The following IQCB1 variants were observed in gnomAD, a reference collection of about 807,000 sequenced individuals.
IQCB1 encodes the protein IQ calmodulin-binding motif-containing protein 1.
Under a neutral mutation model 84.4 loss-of-function variants are expected in IQCB1, and 56 were observed. The observed-to-expected ratio is 0.66, with a 90% CI of 0.54 to 0.83. The LOEUF (loss-of-function observed/expected upper bound fraction) is 0.83, where lower values mean the gene tolerates loss of function less well. IQCB1 is among the 40% of genes least tolerant of loss of function. The pLI is 0.00. For missense variants in IQCB1, 629 were observed against 682.1 expected (o/e 0.92, Z 0.87); for synonymous variants, 210 against 234.8 (o/e 0.89, Z 0.96).
At chr3:121,808,342 C>T (rs1418571612) in intron 6 of IQCB1, among the ~76,000 whole-genome samples, 1 of 151,820 alleles carries the variant, frequency 6.6e-6, no homozygotes, top group Non-Finnish European at 1.5e-5. Flanking sequence ...AGTGTTACAT[C>T]TATATTAGAT....
At chr3:121,820,575 T>C (rs1440995755) in intron 5 of IQCB1, among the ~76,000 whole-genome samples, 1 of 152,160 alleles carries the variant, frequency 6.6e-6, no homozygotes, top group Non-Finnish European at 1.5e-5. Context: ...TTCAATTCCA[T>C]CCTAGACATT....
intron 8 of IQCB1, among the ~76,000 whole-genome samples, chr3:121,798,502 T>A (rs1949285274): frequency 6.6e-6 from 1 of 151,890 alleles, no homozygotes; most frequent in Admixed American, 6.6e-5. Flanking sequence ...ATATATATAC[T>A]ACCTTTGTGA....
At chr3:121,819,754 C>T (rs920383229) in intron 5 of IQCB1, among the ~76,000 whole-genome samples, 3 of 151,918 alleles carry the variant, frequency 2.0e-5, no homozygotes, top group African/African-American at 4.8e-5. Context: ...TATAGTGTTG[C>T]CATCCAATAG....
rs1467393686 is a variant in IQCB1, at chr3:121,797,141, C to A, written c.853G>T (p.Val285Phe). Residue 285 changes from valine to phenylalanine, a missense_variant, in exon 9 of 15, where the codon GTC becomes TTC. Transcript: ENST00000310864. ...RQLVGLLSPM[V>F]YQEVEEQKLH... ...ACCTGCTCTTCTACTTCCTGATAGA[C>A]CATTGGGCTTAAAAGGCCAACAAGC... 1.4e-5 allele frequency: 22 copies of A among 1,597,256 alleles called. No individual in the cohort carries two copies. In the East Asian group the frequency reaches 4.5e-4, roughly 32 times the overall value.
intron 2 of IQCB1, among the ~76,000 whole-genome samples, chr3:121,831,119 T>A (rs7612301): frequency 6.6e-6 from 1 of 151,430 alleles, no homozygotes; most frequent in East Asian, 1.9e-4. Context: ...AGGGAGGACA[T>A]GGAAGCTCTG....
intron 9 of IQCB1, among the ~76,000 whole-genome samples, chr3:121,796,172 C>T (rs950716002): frequency 3.3e-5 from 5 of 152,064 alleles, no homozygotes; most frequent in African/African-American, 1.2e-4. Flanking sequence ...TGAGCATATG[C>T]ATAGTTTTGA....
Position 121,788,270 on chromosome 3 carries a change from T to G in IQCB1, c.1278+14A>C. ...CCTCTTGATTCAGAGCTCTTTTCAC[T>G]ACATTAGACTCACTGCTCTTTGAAG... On this transcript the variant is annotated intron_variant, in intron 12 of 14. Coordinates refer to ENST00000310864, the MANE Select transcript of IQCB1 (RefSeq NM_001023570.4). 6.2e-7 allele frequency: 1 copy of G among 1,613,162 alleles called. No individual in the cohort carries two copies. Among genetic ancestry groups the G allele is most frequent in the East Asian group, 2.2e-5 (1 of 44,844 alleles).
intron 14 of IQCB1, among the ~76,000 whole-genome samples, chr3:121,770,964 A>T (rs962073345): frequency 1.3e-4 from 19 of 151,764 alleles, no homozygotes; most frequent in Non-Finnish European, 1.5e-5. Flanking sequence ...GTGTCAACAT[A>T]TTCAGCCCAT....
intron 13 of IQCB1, among the ~76,000 whole-genome samples, chr3:121,773,135 C>T (rs1948075029): frequency 1.3e-5 from 2 of 151,932 alleles, no homozygotes; most frequent in South Asian, 4.2e-4. Context: ...CCAGCCTGGC[C>T]AACACGGTGA....
chr3:121,808,817 T>G (rs925688179), intron 6 of IQCB1, 99 bp downstream of exon 6: 7 of 741,204 alleles, frequency 9.4e-6, no homozygotes, highest in Non-Finnish European at 1.7e-5. Flanking sequence ...TGTGGTTATC[T>G]GCACAGTTCA....
chr3:121,807,405 C>A lies in IQCB1; in HGVS notation c.526G>T (p.Asp176Tyr). 2 of 1,574,930 alleles carry A rather than the reference C, an allele frequency of 1.3e-6. No individual in the cohort carries two copies. Among genetic ancestry groups the A allele is most frequent in the South Asian group, 2.2e-5 (2 of 90,112 alleles). The change falls in exon 7 of 15, where the codon GAC becomes TAC. Residue 176 changes from aspartate to tyrosine, a missense_variant. Transcript: ENST00000310864. ...SDHFLHLLQA[D>Y]NVQIGSAVMM... Reference sequence around the variant, plus strand: ...ACTGCAGATCCTATTTGGACATTGTCAGCTTGCAGTAAATGTAAGAAATGA... The same window carrying A: ...ACTGCAGATCCTATTTGGACATTGTAAGCTTGCAGTAAATGTAAGAAATGA...
chr3:121,783,042 A>G (rs1469816759), intron 12 of IQCB1, among the ~76,000 whole-genome samples: 4 of 152,214 alleles, frequency 2.6e-5, no homozygotes, highest in African/African-American at 7.2e-5. Flanking sequence ...AACTGAATAC[A>G]TGTGACACAC....
At chr3:121,813,401 G>T (rs1400665328) in intron 5 of IQCB1, among the ~76,000 whole-genome samples, 1 of 152,130 alleles carries the variant, frequency 6.6e-6, no homozygotes, top group Non-Finnish European at 1.5e-5. Context: ...CATAATGACA[G>T]GATCAAATTC....
At chr3:121,822,819 G>A (rs1223822784) in intron 5 of IQCB1, among the ~76,000 whole-genome samples, 1 of 152,156 alleles carries the variant, frequency 6.6e-6, no homozygotes. Context: ...TGATCTGCCA[G>A]AATTTAACTG....
At chr3:121,772,197 A>G (rs1948026542) in intron 14 of IQCB1, among the ~76,000 whole-genome samples, 1 of 152,182 alleles carries the variant, frequency 6.6e-6, no homozygotes, top group South Asian at 2.1e-4. Context: ...AAAAAAATTT[A>G]TAAAATGCTC....
At chr3:121,806,871 T>C (rs4296628) in intron 7 of IQCB1, among the ~76,000 whole-genome samples, 82,068 of 151,812 alleles carry the variant, frequency 0.54, 22,659 homozygotes, top group African/African-American at 0.61. Flanking sequence ...CAATTGTGTA[T>C]ACTCTGCCCT....
chr3:121,799,414 T>TA (rs1949324071), intron 7 of IQCB1, 40 bp from the exon 8 acceptor site: 2 of 1,199,752 alleles, frequency 1.7e-6, no homozygotes, highest in African/African-American at 1.5e-5. Flanking sequence ...CATTACTAAT[T>TA]GATGTACAGG....
At chr3:121,819,504 T>C (rs1045618063) in intron 5 of IQCB1, among the ~76,000 whole-genome samples, 1 of 152,160 alleles carries the variant, frequency 6.6e-6, no homozygotes. Flanking sequence ...TGAGTACTAG[T>C]CTGTGGCCTG....
chr3:121,826,301 A>C lies in IQCB1; in HGVS notation c.264-121T>G. 2 of 992,726 alleles carry C rather than the reference A, an allele frequency of 2.0e-6. 1 individual carries two copies. Among genetic ancestry groups the C allele is most frequent in the Non-Finnish European group, 3.1e-6 (2 of 652,656 alleles). 61.5% of individuals were successfully genotyped at this position (992,726 alleles called of 1,614,324 possible). A position where few individuals can be genotyped will look rare whatever the true frequency, so the allele number is the denominator to read the frequency against. On this transcript the variant is annotated intron_variant, in intron 4 of 14. Coordinates refer to ENST00000310864, the MANE Select transcript of IQCB1 (RefSeq NM_001023570.4). Reference sequence around the variant, plus strand: ...TTCTTTTGTTACCAAGACAATAAAGAATTTTTGTTGAAAAATTAGTCTAAC... The same window carrying C: ...TTCTTTTGTTACCAAGACAATAAAGCATTTTTGTTGAAAAATTAGTCTAAC...
Sources: gnomAD v4.1 joint callset for allele counts (sites outside exome capture counted in the v4.1 genomes callset) on GRCh38, gnomAD v4.1.1 for gene constraint, MANE v1.5 for transcripts, NCBI Gene and HGNC (gene_info 2026-07-23, HGNC 2026-07-21) for gene names.